The following SH3GLB1 variants were observed in gnomAD, a reference collection of about 807,000 sequenced individuals.
The protein encoded by SH3GLB1 is endophilin-B1.
In SH3GLB1, 17 loss-of-function variants were observed where a neutral mutation model predicts 42.0. That is an observed-to-expected ratio of 0.40 (90% CI 0.28 to 0.61). The LOEUF is 0.61. SH3GLB1 is among the 20% of genes least tolerant of loss of function. The pLI is 0.36. For missense variants in SH3GLB1, 355 were observed against 426.3 expected, an observed-to-expected ratio of 0.83 and a Z score of 1.47; for synonymous variants, 132 against 146.6, an observed-to-expected ratio of 0.90 and a Z score of 0.72.
intron 1 of SH3GLB1, among the ~76,000 whole-genome samples, chr1:86,712,183 T>C (rs1654254881): frequency 6.6e-6 from 1 of 152,194 alleles, no homozygotes; most frequent in Non-Finnish European, 1.5e-5. Context: ...ATTGTGTGTC[T>C]TCCTCCCTTT....
intron 1 of SH3GLB1, among the ~76,000 whole-genome samples, chr1:86,709,287 G>A (rs1305139026): frequency 6.6e-6 from 1 of 152,096 alleles, no homozygotes; most frequent in Admixed American, 6.5e-5. Context: ...TATCATTTTA[G>A]CCAGGCAAAT....
chr1:86,727,074 G>C (rs144328173), intron 5 of SH3GLB1, among the ~76,000 whole-genome samples: 1 of 151,844 alleles, frequency 6.6e-6, no homozygotes, highest in African/African-American at 2.4e-5. Flanking sequence ...TTTAAGTTCT[G>C]TGTTTACTAA....
At position 86,734,727 on chromosome 1, in the gene SH3GLB1, A is replaced by G; in HGVS notation, c.660+36A>G. The G allele has an allele frequency of 2.0e-6, 3 of 1,527,770 alleles. No homozygotes were observed. In the South Asian group the frequency reaches 3.4e-5, roughly 17 times the overall value. 94.6% of individuals were successfully genotyped at this position (1,527,770 alleles called of 1,614,324 possible). On this transcript the variant is annotated intron_variant, in intron 6 of 8. Coordinates refer to ENST00000370558, the MANE Select transcript of SH3GLB1 (RefSeq NM_016009.5). ...ATTCATTGGAAATTCATTTGGAACA[A>G]GACTTTGGTAGTCCTAAGGCAATTT...
rs773321123 is a variant in SH3GLB1, at chr1:86,724,405, A to G, written c.570A>G (p.Ser190=). The part of the protein sequence containing the change: ...KKAKAAETRN[S]SEQELRITQS... Reference sequence around the variant, plus strand: ...CAAAAGCTGCAGAAACTAGAAATTCAGTAAGTAAATAGAAAAATATTTTTG... The same window carrying G: ...CAAAAGCTGCAGAAACTAGAAATTCGGTAAGTAAATAGAAAAATATTTTTG... The change falls in exon 5 of 9, where the codon TCA becomes TCG. Residue 190 remains serine (S), a splice_region_variant and synonymous_variant. Coordinates refer to ENST00000370558, the MANE Select transcript of SH3GLB1 (RefSeq NM_016009.5). 6.3e-7 allele frequency: 1 copy of G among 1,585,280 alleles called. No individual in the cohort carries two copies. Among genetic ancestry groups the G allele is most frequent in the Admixed American group, 1.8e-5 (1 of 55,116 alleles).
intron 2 of SH3GLB1, 76 bp from the exon 3 acceptor site, chr1:86,719,431 C>T: frequency 7.5e-7 from 1 of 1,335,264 alleles, no homozygotes; most frequent in African/African-American, 1.5e-5. Flanking sequence ...TAAATGGCTG[C>T]TGATGGGGGA....
chr1:86,713,211 C>T (rs542004374), intron 1 of SH3GLB1, among the ~76,000 whole-genome samples: 1 of 152,036 alleles, frequency 6.6e-6, no homozygotes, highest in Non-Finnish European at 1.5e-5. Context: ...TGGAGTGCAG[C>T]TGGGACTACA....
chr1:86,722,531 C>A lies in SH3GLB1; in HGVS notation c.344-9C>A. 1.3e-6 allele frequency: 2 copies of A among 1,559,148 alleles called. No individual in the cohort carries two copies. The highest frequency in any genetic ancestry group is 1.2e-5 in the South Asian group (1 of 81,556). Reference sequence around the variant, plus strand: ...GACAATGATTTTTAAAAACATTTTTCCTTTGCAGGTAATGCCCTTATTAAA... The same window carrying A: ...GACAATGATTTTTAAAAACATTTTTACTTTGCAGGTAATGCCCTTATTAAA... On this transcript the variant is annotated splice_polypyrimidine_tract_variant and intron_variant, in intron 3 of 8. Coordinates refer to ENST00000370558, the MANE Select transcript of SH3GLB1 (RefSeq NM_016009.5).
In SH3GLB1 at chr1:86,722,588, C is replaced by A; in HGVS notation, c.392C>A (p.Ala131Glu). ...GAAACCCAAAAAAGAATTGGAACAGCAGACAGAGAACTGATTCAAACGTCA... is the reference window on the plus strand; with the variant it reads ...GAAACCCAAAAAAGAATTGGAACAGAAGACAGAGAACTGATTCAAACGTCA... ...CGETQKRIGT[A>E]DRELIQTSAL... The change falls in exon 4 of 9, where the codon GCA (alanine) becomes GAA (glutamate). Residue 131 changes from alanine (A) to glutamate (E), a missense_variant. By Grantham distance (107) the Ala-to-Glu change is moderately radical (BLOSUM62 -1). Coordinates refer to ENST00000370558, the MANE Select transcript of SH3GLB1 (RefSeq NM_016009.5). The A allele has an allele frequency of 6.2e-7, 1 of 1,608,558 alleles. No individual in the cohort carries two copies. The highest frequency in any genetic ancestry group is 8.5e-7 in the Non-Finnish European group (1 of 1,177,624).
intron 2 of SH3GLB1, 21 bp from the exon 3 acceptor site, chr1:86,719,486 T>C (rs1411875508): frequency 1.3e-6 from 2 of 1,586,114 alleles, no homozygotes; most frequent in East Asian, 2.3e-5. Context: ...AAATCATTGG[T>C]AATTTTAACC....
At position 86,734,659 on chromosome 1, in the gene SH3GLB1, A is replaced by G. The variant is rs1191092462; in HGVS notation, c.628A>G (p.Arg210Gly). 6.2e-7 allele frequency: 1 copy of G among 1,613,292 alleles called. No individual in the cohort carries two copies. Among genetic ancestry groups the G allele is most frequent in the South Asian group, 1.1e-5 (1 of 91,044 alleles). The stretch of plus-strand genomic sequence containing the variant: ...ATTTGATCGTCAAGCAGAGATTACC[A>G]GACTTCTGCTAGAGGGAATCAGCAG... ...SEFDRQAEIT[R>G]LLLEGISSTH... The change falls in exon 6 of 9, where the codon AGA (arginine) becomes GGA (glycine). Residue 210 changes from arginine (R) to glycine (G), a missense_variant. Physicochemically the swap from Arg to Gly is moderately radical, Grantham distance 125 (BLOSUM62 -2). Transcript: ENST00000370558.
intron 7 of SH3GLB1, among the ~76,000 whole-genome samples, chr1:86,736,736 G>GT (rs761924716): frequency 2.0e-5 from 3 of 152,170 alleles, no homozygotes; most frequent in Admixed American, 6.6e-5. Context: ...AGTAAAACCA[G>GT]TGCTACTATT....
intron 1 of SH3GLB1, among the ~76,000 whole-genome samples, chr1:86,715,436 CT>C (rs1242499939): frequency 2.6e-5 from 4 of 152,066 alleles, no homozygotes; most frequent in Non-Finnish European, 5.9e-5. Context: ...TAGTTGCATG[CT>C]TTATATACCA....
intron 3 of SH3GLB1, among the ~76,000 whole-genome samples, chr1:86,721,600 A>C (rs1410012681): frequency 6.6e-6 from 1 of 152,188 alleles, no homozygotes. Context: ...TACTTGCCCT[A>C]TTTAAGTATC....
chr1:86,713,883 G>T (rs1257830129), intron 1 of SH3GLB1, among the ~76,000 whole-genome samples: 1 of 152,032 alleles, frequency 6.6e-6, no homozygotes, highest in Non-Finnish European at 1.5e-5. Flanking sequence ...GTCTGTCTTT[G>T]CCATTAAAAT....
chr1:86,711,647 A>G (rs1654216083), intron 1 of SH3GLB1, among the ~76,000 whole-genome samples: 1 of 152,172 alleles, frequency 6.6e-6, no homozygotes, highest in African/African-American at 2.4e-5. Context: ...TCAAGAGATT[A>G]CAAAATCAGT....
intron 5 of SH3GLB1, 26 bp downstream of exon 5, chr1:86,724,431 A>T (rs74097421): frequency 6.8e-7 from 1 of 1,477,440 alleles, no homozygotes. Context: ...AATATTTTTG[A>T]TTAATAACTT....
Position 86,716,100 on chromosome 1 carries a change from T to G in SH3GLB1, c.214+235T>G, listed in dbSNP as rs186114213. ...TAGAATCCTTGTAAAAAATCTCAAT[T>G]TTAGGCAGTGACTTTGAATTTTAAT... On this transcript the variant is annotated intron_variant, in intron 2 of 8. Transcript: ENST00000370558. Among the ~76,000 whole-genome samples, 115 of 152,252 alleles carry G rather than the reference T, an allele frequency of 7.6e-4. No individual in the cohort carries two copies. Among genetic ancestry groups the G allele is most frequent in the Non-Finnish European group, 1.5e-3 (103 of 68,010 alleles).
Position 86,704,784 on chromosome 1 carries a change from C to A in SH3GLB1, c.-116C>A. On this transcript the variant is annotated 5_prime_UTR_variant, in exon 1 of 9. Coordinates refer to ENST00000370558, the MANE Select transcript of SH3GLB1 (RefSeq NM_016009.5). ...AGCTGCGGCTGCGGGGCTGGCGCCGCCTCCCTCCACCTACCACGTCTGCCC... is the reference window on the plus strand; with the variant it reads ...AGCTGCGGCTGCGGGGCTGGCGCCGACTCCCTCCACCTACCACGTCTGCCC... 1 of 550,786 alleles carries A rather than the reference C, an allele frequency of 1.8e-6. No individual in the cohort carries two copies. Among genetic ancestry groups the A allele is most frequent in the Non-Finnish European group, 3.1e-6 (1 of 322,696 alleles). 34.1% of individuals were successfully genotyped at this position (550,786 alleles called of 1,614,324 possible). A position where few individuals can be genotyped will look rare whatever the true frequency, so the allele number is the denominator to read the frequency against.
rs753267678 is a variant in SH3GLB1, at chr1:86,728,419, G to A, written c.570+4014G>A. 44 of 1,557,322 alleles carry A rather than the reference G, an allele frequency of 2.8e-5. No individual in the cohort carries two copies. The highest frequency in any genetic ancestry group is 3.3e-4 in the Middle Eastern group (2 of 5,980). On this transcript the variant is annotated intron_variant, in intron 5 of 8. Transcript: ENST00000370558. Reference sequence around the variant, plus strand: ...GCACTTAAGCAACTAAACTCAGCTCGCCTTGAAGGAGATAACATTATGGTA... The same window carrying A: ...GCACTTAAGCAACTAAACTCAGCTCACCTTGAAGGAGATAACATTATGGTA...
Sources: gnomAD v4.1 joint callset for allele counts (sites outside exome capture counted in the v4.1 genomes callset) on GRCh38, gnomAD v4.1.1 for gene constraint, MANE v1.5 for transcripts, NCBI Gene and HGNC (gene_info 2026-07-23, HGNC 2026-07-21) for gene names.